SCAP: variants seen among roughly 807,000 people sequenced by gnomAD.
The protein encoded by SCAP is SREBF chaperone, also known as sterol regulatory element-binding protein cleavage-activating protein.
In SCAP, 65 loss-of-function variants were observed where a neutral mutation model predicts 123.6. The observed-to-expected ratio is 0.53, with a 90% CI of 0.43 to 0.65. The LOEUF is 0.65. Ranked by LOEUF, SCAP falls within the 30% of genes least tolerant of loss-of-function variation. The pLI, the probability that SCAP is intolerant of heterozygous loss-of-function variation, is 0.00. For missense variants in SCAP, 1,398 were observed against 1,712.5 expected (o/e 0.82, Z 3.24); for synonymous variants, 740 against 726.3 (o/e 1.02, Z -0.30).
chr3:47,443,246 ACACACAC>A, intron 1 of SCAP, 155 bp from the exon 2 acceptor site: 1 of 197,224 alleles, frequency 5.1e-6, no homozygotes, highest in Middle Eastern at 1.7e-3. Context: ...ACACACACAC[ACACACAC>A]ACACACACAC....
chr3:47,428,805 C>T, intron 3 of SCAP, 135 bp from the exon 4 acceptor site: 1 of 929,282 alleles, frequency 1.1e-6, no homozygotes, highest in South Asian at 1.9e-5. Context: ...AATACAAGTT[C>T]TTGAGTTTGC....
chr3:47,422,671 C>G (rs534231902), intron 9 of SCAP, 135 bp from the exon 10 acceptor site: 1 of 650,208 alleles, frequency 1.5e-6, no homozygotes, highest in Non-Finnish European at 2.6e-6. Context: ...TCCACCAAAG[C>G]ACCCCAACCC....
chr3:47,416,488 A>G (rs1705576913), intron 18 of SCAP, among the ~76,000 whole-genome samples: 1 of 152,228 alleles, frequency 6.6e-6, no homozygotes, highest in Non-Finnish European at 1.5e-5. Flanking sequence ...CAAGCTAATC[A>G]GAGAAACTGG....
intron 1 of SCAP, among the ~76,000 whole-genome samples, chr3:47,448,852 T>C (rs1264233844): frequency 6.6e-6 from 1 of 152,234 alleles, no homozygotes; most frequent in African/African-American, 2.4e-5. Context: ...ATCTGTTGGC[T>C]GTCTTTTCCC....
intron 2 of SCAP, among the ~76,000 whole-genome samples, chr3:47,435,454 T>C (rs1411898697): frequency 7.1e-6 from 1 of 140,982 alleles, no homozygotes; most frequent in Non-Finnish European, 1.5e-5. Flanking sequence ...AACATTAACA[T>C]ATATAATATA....
Position 47,420,479 on chromosome 3 carries a change from C to G in SCAP, c.1563+75G>C. 7.4e-7 allele frequency: 1 copy of G among 1,352,438 alleles called. No homozygotes were observed. Among genetic ancestry groups the G allele is most frequent in the East Asian group, 2.5e-5 (1 of 40,346 alleles). The allele number at this position is 1,352,438 out of a possible 1,614,324, so 83.8% of individuals were successfully genotyped here. On this transcript the variant is annotated intron_variant, in intron 12 of 22. Coordinates refer to ENST00000265565, the MANE Select transcript of SCAP (RefSeq NM_012235.4). The surrounding 1 kb of genome is among the most constrained non-coding windows in gnomAD (Gnocchi z 5.0). ...GGAATACCCTTTGCCACTCTAAGGC[C>G]AAGTGCAGCACCACAAGGGGCCTGG...
intron 2 of SCAP, among the ~76,000 whole-genome samples, chr3:47,435,464 A>AT (rs1491479871): frequency 1.3e-5 from 1 of 74,834 alleles, no homozygotes; most frequent in Non-Finnish European, 3.2e-5. Context: ...TATATAATAT[A>AT]AACATACACA....
chr3:47,425,303 A>G, intron 8 of SCAP, 182 bp downstream of exon 8: 1 of 682,046 alleles, frequency 1.5e-6, no homozygotes, highest in Non-Finnish European at 2.4e-6. Context: ...GCTATATACA[A>G]ACACAAGTAT....
chr3:47,442,792 G>A, intron 2 of SCAP, 80 bp downstream of exon 2: 2 of 1,301,298 alleles, frequency 1.5e-6, no homozygotes, highest in South Asian at 1.2e-5. Flanking sequence ...AGAGGCCAAG[G>A]GCTCCATAGT....
intron 1 of SCAP, among the ~76,000 whole-genome samples, chr3:47,470,759 G>T (rs1175062119): frequency 2.6e-5 from 4 of 152,148 alleles, no homozygotes; most frequent in African/African-American, 9.7e-5. Flanking sequence ...TACTTGGGAG[G>T]CTGAGGCAGG....
intron 16 of SCAP, 63 bp from the exon 17 acceptor site, chr3:47,417,889 AC>A (rs1196030704): frequency 2.1e-5 from 4 of 186,106 alleles, no homozygotes; most frequent in African/African-American, 1.7e-4. Flanking sequence ...GGGGCGGGGG[AC>A]GGGGGTGAGA....
At position 47,418,851 on chromosome 3, in the gene SCAP, C is replaced by T. The variant is rs763679910; in HGVS notation, c.1941-8G>A. On this transcript the variant is annotated splice_polypyrimidine_tract_variant and splice_region_variant and intron_variant, in intron 13 of 22. Coordinates refer to ENST00000265565, the MANE Select transcript of SCAP (RefSeq NM_012235.4). Reference sequence around the variant, plus strand: ...GGCAGCAGGCTGATGTACCTGGATTCGGACAGTGGGCAGCCTCAGCGGGGG... The same window carrying T: ...GGCAGCAGGCTGATGTACCTGGATTTGGACAGTGGGCAGCCTCAGCGGGGG... 5.9e-6 allele frequency: 9 copies of T among 1,514,228 alleles called. No individual in the cohort carries two copies. In the East Asian group the frequency reaches 9.2e-5, roughly 15 times the overall value. 93.8% of individuals were successfully genotyped at this position (1,514,228 alleles called of 1,614,324 possible).
chr3:47,438,159 C>G (rs1212400777), intron 2 of SCAP, among the ~76,000 whole-genome samples: 1 of 152,176 alleles, frequency 6.6e-6, no homozygotes, highest in African/African-American at 2.4e-5. Context: ...TTGGATATAG[C>G]AACTTTTGTG....
chr3:47,431,891 C>T (rs554196963), intron 3 of SCAP, among the ~76,000 whole-genome samples: 21 of 152,214 alleles, frequency 1.4e-4, no homozygotes, highest in Middle Eastern at 3.4e-3. Flanking sequence ...AATTTTTTTG[C>T]CCAGGAGATT....
At chr3:47,442,825 G>A in intron 2 of SCAP, 47 bp downstream of exon 2, 1 of 1,567,732 alleles carries the variant, frequency 6.4e-7, no homozygotes. Context: ...AAAACCTACT[G>A]TCCTAAGACA....
chr3:47,421,258 A>T (rs1208305389), intron 10 of SCAP: 1 of 558,866 alleles, frequency 1.8e-6, no homozygotes, highest in Non-Finnish European at 3.2e-6. Flanking sequence ...AAAGGGCTGA[A>T]AGGGAAGGGG....
At chr3:47,472,948 T>C (rs1029983711) in intron 1 of SCAP, among the ~76,000 whole-genome samples, 1 of 151,592 alleles carries the variant, frequency 6.6e-6, no homozygotes, top group African/African-American at 2.4e-5. Flanking sequence ...GGCGTGGTAG[T>C]GCATGCCTGT....
At position 47,417,820 on chromosome 3, in the gene SCAP, C is replaced by A. The variant is rs771049422; in HGVS notation, c.2454G>T (p.Gln818His). ...CGCTGCCCACGCCACTGTCCCGGCG[C>A]TGCCTGCTGGGGGCCAGGAGGGCGG... ...CLTRIPRPGR[Q>H]RRDSGVGSGL... The change falls in exon 17 of 23, where the codon CAG (glutamine) becomes CAT (histidine). Residue 818 changes from glutamine (Q) to histidine (H), a missense_variant. Physicochemically the swap from Gln to His is conservative, Grantham distance 24. This residue lies in a region of SCAP where 828 missense variants were observed against 882.5 expected (regional missense o/e 0.94). Transcript: ENST00000265565. The A allele has an allele frequency of 7.3e-7, 1 of 1,376,828 alleles. No individual in the cohort carries two copies. Among genetic ancestry groups the A allele is most frequent in the Non-Finnish European group, 9.6e-7 (1 of 1,043,144 alleles). 85.3% of individuals were successfully genotyped at this position (1,376,828 alleles called of 1,614,324 possible).
Position 47,414,651 on chromosome 3 carries a change from A to G in SCAP, c.3308T>C (p.Val1103Ala). Residue 1103 changes from valine to alanine, a missense_variant and splice_region_variant, in exon 21 of 23, where the codon GTG becomes GCG. This residue lies in a region of SCAP where 44 missense variants were observed against 64.4 expected (regional missense o/e 0.68). Transcript: ENST00000265565. ...VTGSQDHTLR[V>A]FRLEDSCCLF... ...GCAGCACGAGTCCTCCAGACGGAAC[A>G]CCTGGGACAGGGATGGGCCTCAGGT... 6.2e-7 allele frequency: 1 copy of G among 1,613,222 alleles called. No individual in the cohort carries two copies.
Sources: gnomAD v4.1 joint callset for allele counts (sites outside exome capture counted in the v4.1 genomes callset) on GRCh38, gnomAD v4.1.1 for gene constraint, gnomAD v4.1.1 regional missense constraint, Gnocchi (gnomAD v3.1) non-coding constraint, MANE v1.5 for transcripts, NCBI Gene and HGNC (gene_info 2026-07-23, HGNC 2026-07-21) for gene names.